Variants in POLK observed in about 807,000 individuals in gnomAD.
POLK encodes polymerase (DNA directed) kappa.
A neutral mutation model predicts 94.0 loss-of-function variants in POLK; 76 were observed. That is an observed-to-expected ratio of 0.81 (90% CI 0.67 to 0.98). The LOEUF (loss-of-function observed/expected upper bound fraction) is 0.98, where lower values mean the gene tolerates loss of function less well. POLK is among the 50% of genes least tolerant of loss of function. The pLI is 0.00. For missense variants in POLK, 954 were observed against 1,010.1 expected (o/e 0.94, Z 0.75); for synonymous variants, 349 against 325.4 (o/e 1.07, Z -0.78).
At chr5:75,557,269 C>CT (rs1007353072) in intron 3 of POLK, among the ~76,000 whole-genome samples, 1 of 152,110 alleles carries the variant, frequency 6.6e-6, no homozygotes, top group Non-Finnish European at 1.5e-5. Context: ...AGTTTCAGTC[C>CT]TTCAGTTTTG....
chr5:75,604,305 A>G (rs945299911), downstream of POLK, among the ~76,000 whole-genome samples: 13 of 152,136 alleles, frequency 8.5e-5, no homozygotes, highest in African/African-American at 3.1e-4. Context: ...AAATATGACT[A>G]TTAACCTGGG....
At chr5:75,601,217 A>T (rs552481010), downstream of POLK, 15 of 152,120 alleles carry the variant, frequency 9.9e-5, 1 homozygote, top group South Asian at 2.9e-3. Flanking sequence ...AAAAAAATAC[A>T]TTTTTTTCTT....
At chr5:75,593,828 G>C (rs1184915447) in intron 11 of POLK, 50 bp from the exon 12 acceptor site, 12 of 1,159,780 alleles carry the variant, frequency 1.0e-5, no homozygotes, top group Non-Finnish European at 1.5e-5. Context: ...GGACAACAGA[G>C]AGAGACCCTG....
chr5:75,604,237 T>C (rs556140161), downstream of POLK, among the ~76,000 whole-genome samples: 1 of 152,298 alleles, frequency 6.6e-6, no homozygotes, highest in African/African-American at 2.4e-5. Context: ...TTTATACATG[T>C]TTTATTATTA....
chr5:75,586,605 T>C (rs560456247), intron 9 of POLK, among the ~76,000 whole-genome samples: 1 of 152,308 alleles, frequency 6.6e-6, no homozygotes, highest in South Asian at 2.1e-4. Context: ...AAATGAATAA[T>C]GAATAGGCTA....
In POLK at chr5:75,597,076, A is replaced by G. The variant is rs1472629829; in HGVS notation, c.2383A>G (p.Asn795Asp). The G allele has an allele frequency of 6.2e-7, 1 of 1,613,240 alleles. No individual in the cohort carries two copies. The highest frequency in any genetic ancestry group is 8.5e-7 in the Non-Finnish European group (1 of 1,179,192). ...AAAGACTTCAGATCTAACCCTGTTC[A>G]ATGTGCATGTGGATGTTTGCTTAAA... is the stretch of plus-strand genomic sequence containing the variant. Residue 795 changes from asparagine (N) to aspartate (D), a missense_variant, in exon 13 of 15, where the codon AAT (asparagine) becomes GAT (aspartate). Asn to Asp is a conservative substitution (Grantham distance 23). Transcript: ENST00000241436.
At chr5:75,601,422 A>G (rs79519862), downstream of POLK, among the ~76,000 whole-genome samples, 47 of 152,308 alleles carry the variant, frequency 3.1e-4, no homozygotes, top group East Asian at 9.1e-3. Context: ...ATTGGATTAA[A>G]TGATGCAAAA....
chr5:75,567,891 A>G (rs369402416), intron 3 of POLK, among the ~76,000 whole-genome samples: 3 of 152,168 alleles, frequency 2.0e-5, no homozygotes, highest in Non-Finnish European at 2.9e-5. Flanking sequence ...GAAGCCTCCT[A>G]CAGATTTCAC....
At chr5:75,549,162 A>G (rs1455964741) in intron 2 of POLK, among the ~76,000 whole-genome samples, 1 of 152,116 alleles carries the variant, frequency 6.6e-6, no homozygotes, top group African/African-American at 2.4e-5. Context: ...TTTTCATCAT[A>G]AAAATGTTCA....
chr5:75,552,385 A>G, intron 2 of POLK, 87 bp from the exon 3 acceptor site: 8 of 1,191,770 alleles, frequency 6.7e-6, no homozygotes, highest in Non-Finnish European at 8.1e-6. Flanking sequence ...CTGTTTCCTG[A>G]GTATGTGCTC....
intron 1 of POLK, among the ~76,000 whole-genome samples, chr5:75,543,401 A>T (rs965409159): frequency 2.0e-5 from 3 of 152,126 alleles, no homozygotes; most frequent in Non-Finnish European, 2.9e-5. Context: ...AGCAGAGCTC[A>T]CAGGATTTCC....
intron 6 of POLK, 74 bp downstream of exon 6, chr5:75,577,007 A>C (rs1010442304): frequency 5.8e-6 from 5 of 869,120 alleles, no homozygotes; most frequent in Non-Finnish European, 8.5e-6. Context: ...GAATTAATCC[A>C]ATTAATTTAT....
At chr5:75,538,579 T>A (rs1267590613) in intron 1 of POLK, 4 of 152,094 alleles carry the variant, frequency 2.6e-5, no homozygotes, top group Non-Finnish European at 5.9e-5. Flanking sequence ...TCTCATCAAT[T>A]TTTTTTGGCA....
At chr5:75,533,365 TG>T in intron 1 of POLK, among the ~76,000 whole-genome samples, 1 of 152,230 alleles carries the variant, frequency 6.6e-6, no homozygotes, top group Admixed American at 6.5e-5. Flanking sequence ...TGCGTGTTTT[TG>T]TTGATTTTGT....
chr5:75,531,783 C>T (rs993212278), intron 1 of POLK, among the ~76,000 whole-genome samples: 4 of 150,268 alleles, frequency 2.7e-5, no homozygotes, highest in Non-Finnish European at 5.9e-5. Flanking sequence ...CAGAGCAAGA[C>T]TCTGTCTCAA....
At chr5:75,544,177 A>T (rs1769889556) in intron 1 of POLK, among the ~76,000 whole-genome samples, 1 of 152,108 alleles carries the variant, frequency 6.6e-6, no homozygotes. Flanking sequence ...AATATATGTG[A>T]AGAGTAGGCA....
intron 1 of POLK, among the ~76,000 whole-genome samples, chr5:75,531,527 G>A (rs1353898058): frequency 6.6e-6 from 1 of 152,132 alleles, no homozygotes; most frequent in Admixed American, 6.5e-5. Flanking sequence ...GGGTGTGGTG[G>A]CTCACGCCTG....
downstream of POLK, among the ~76,000 whole-genome samples, chr5:75,603,966 A>G (rs1773359315): frequency 6.6e-6 from 1 of 152,220 alleles, no homozygotes; most frequent in Non-Finnish European, 1.5e-5. Flanking sequence ...GTAGGCCCCA[A>G]GAGATCCTGG....
chr5:75,581,991 A>G, intron 7 of POLK: 1 of 984,278 alleles, frequency 1.0e-6, no homozygotes, highest in Non-Finnish European at 1.2e-6. Context: ...TAAATTTCAT[A>G]TAGCTATCTT....
Sources: gnomAD v4.1 joint callset for allele counts (sites outside exome capture counted in the v4.1 genomes callset) on GRCh38, gnomAD v4.1.1 for gene constraint, MANE v1.5 for transcripts, NCBI Gene and HGNC (gene_info 2026-07-23, HGNC 2026-07-21) for gene names.